AGR3: variants seen among roughly 807,000 people sequenced by gnomAD.
AGR3 encodes the protein anterior gradient protein 3.
A neutral mutation model predicts 24.5 loss-of-function variants in AGR3; 37 were observed. That is an observed-to-expected ratio of 1.51 (90% CI 1.16 to 1.99). The LOEUF is 1.99. Among genes scored for constraint, AGR3 ranks in the 30% most tolerant of loss-of-function variants. AGR3 has a pLI of 0.00. For missense variants in AGR3, 228 were observed against 191.1 expected, an observed-to-expected ratio of 1.19 and a Z score of -1.14; for synonymous variants, 75 against 61.6, an observed-to-expected ratio of 1.22 and a Z score of -1.02.
At chr7:16,872,028 C>G (rs953092857) in intron 3 of AGR3, among the ~76,000 whole-genome samples, 16 of 152,186 alleles carry the variant, frequency 1.1e-4, no homozygotes, top group African/African-American at 3.6e-4. Flanking sequence ...ACCATACCAC[C>G]AAAGGCAATC....
chr7:16,874,578 G>T (rs1781949124), intron 2 of AGR3, among the ~76,000 whole-genome samples: 1 of 152,142 alleles, frequency 6.6e-6, no homozygotes, highest in African/African-American at 2.4e-5. Flanking sequence ...AAGTGTCTCA[G>T]TCTACGAATG....
chr7:16,859,632 C>A lies in AGR3; in HGVS notation c.452-1G>T, dbSNP rs760383278. ...AATGCTTTCTTCATGTTTTCTATCA[C>A]TGAAATAAGAGTTAATATATATTAT... On this transcript the variant is annotated splice_acceptor_variant, in intron 7 of 7. Transcript: ENST00000310398. LOFTEE classifies it high-confidence loss of function. 6.0e-6 allele frequency: 9 copies of A among 1,499,064 alleles called. No individual in the cohort carries two copies. In the South Asian group the frequency reaches 9.4e-5, roughly 16 times the overall value. The allele number at this position is 1,499,064 out of a possible 1,614,324, so 92.9% of individuals were successfully genotyped here.
intron 3 of AGR3, among the ~76,000 whole-genome samples, chr7:16,867,860 C>G (rs546206010): frequency 1.5e-4 from 23 of 152,234 alleles, no homozygotes; most frequent in African/African-American, 5.5e-4. Context: ...CCGATTTTAT[C>G]TTTTTGATAC....
At chr7:16,881,347 C>G (rs1004147908) in intron 1 of AGR3, among the ~76,000 whole-genome samples, 9 of 152,112 alleles carry the variant, frequency 5.9e-5, no homozygotes, top group Non-Finnish European at 1.2e-4. Flanking sequence ...TATTCTGTGA[C>G]AAAGCAGTAC....
chr7:16,874,803 A>G lies in AGR3; in HGVS notation c.110-960T>C, dbSNP rs1440532376. Among the ~76,000 whole-genome samples, 4 of 152,230 alleles carry G rather than the reference A, an allele frequency of 2.6e-5. No homozygotes were observed. The South Asian group carries it at 6.2e-4, about 24-fold the overall frequency. ...TTATTGAAATAAAATTCATACGCCA[A>G]TACAACTCACCTATTGAAAACGTAT... On this transcript the variant is annotated intron_variant, in intron 2 of 7. Transcript: ENST00000310398.
intron 3 of AGR3, among the ~76,000 whole-genome samples, chr7:16,870,202 GT>G (rs1781838131): frequency 6.6e-6 from 1 of 151,766 alleles, no homozygotes; most frequent in Admixed American, 6.6e-5. Flanking sequence ...TATTTAACAA[GT>G]TTTTTTGGAT....
chr7:16,880,174 CTTT>C (rs148378416), intron 1 of AGR3, among the ~76,000 whole-genome samples: 8 of 116,426 alleles, frequency 6.9e-5, no homozygotes, highest in Non-Finnish European at 7.3e-5. Flanking sequence ...TCCTTTCTTT[CTTT>C]TTTTTTTTTT....
chr7:16,866,500 TTC>T (rs1353260159), intron 3 of AGR3, among the ~76,000 whole-genome samples: 2 of 152,164 alleles, frequency 1.3e-5, no homozygotes, highest in Non-Finnish European at 2.9e-5. Flanking sequence ...GAAGTAGAAT[TTC>T]TGAGTCAGAG....
At chr7:16,858,070 C>T (rs1781577744), downstream of AGR3, among the ~76,000 whole-genome samples, 1 of 151,672 alleles carries the variant, frequency 6.6e-6, no homozygotes, top group African/African-American at 2.4e-5. Context: ...TCACTGAAAC[C>T]TCCACCTCCC....
chr7:16,866,816 T>C (rs1161360488), intron 3 of AGR3, among the ~76,000 whole-genome samples: 1 of 152,202 alleles, frequency 6.6e-6, no homozygotes, highest in Non-Finnish European at 1.5e-5. Flanking sequence ...GTACGTTGTA[T>C]ATTAGAGAAA....
chr7:16,859,652 T>C, intron 7 of AGR3, 21 bp from the exon 8 acceptor site: 1 of 1,383,638 alleles, frequency 7.2e-7, no homozygotes, highest in East Asian at 2.5e-5. Flanking sequence ...AGTTAATATA[T>C]ATTATGCTAT....
intron 1 of AGR3, among the ~76,000 whole-genome samples, chr7:16,878,961 G>A (rs141311312): frequency 2.6e-5 from 4 of 152,260 alleles, no homozygotes; most frequent in Non-Finnish European, 4.4e-5. Context: ...CCAACAAGAC[G>A]AAACTCAAAT....
downstream of AGR3, chr7:16,859,349 C>T: frequency 4.6e-6 from 2 of 432,916 alleles, no homozygotes; most frequent in Non-Finnish European, 8.2e-6. Flanking sequence ...CTTGTCTCCA[C>T]TATAACTCTT....
At chr7:16,859,733 G>A (rs527364734) in intron 7 of AGR3, 102 bp from the exon 8 acceptor site, 35 of 693,590 alleles carry the variant, frequency 5.0e-5, no homozygotes, top group Admixed American at 4.5e-4. Flanking sequence ...TAAATTAATA[G>A]CTTTGAACAT....
intron 3 of AGR3, among the ~76,000 whole-genome samples, chr7:16,863,026 C>T (rs988922655): frequency 6.6e-6 from 1 of 152,158 alleles, no homozygotes; most frequent in Non-Finnish European, 1.5e-5. Context: ...GCCGAGATGG[C>T]GCCACTGCAC....
At position 16,860,488 on chromosome 7, in the gene AGR3, G is replaced by C. The variant is rs1288949706; in HGVS notation, c.451+12C>G. 6.3e-7 allele frequency: 1 copy of C among 1,598,304 alleles called. No individual in the cohort carries two copies. The highest frequency in any genetic ancestry group is 8.6e-7 in the Non-Finnish European group (1 of 1,165,856). ...CTATGACCACTGTTTGAGATCATTT[G>C]TGAATACTTACATAGGGGTAAATCC... On this transcript the variant is annotated intron_variant, in intron 7 of 7. Coordinates refer to ENST00000310398, the MANE Select transcript of AGR3 (RefSeq NM_176813.5).
rs560152994 is a variant in AGR3, at chr7:16,860,553, G to A, written c.398C>T (p.Ala133Val). The change falls in exon 7 of 8, where the codon GCT becomes GTT. Residue 133 changes from alanine to valine, a missense_variant. Physicochemically the swap from Ala to Val is moderately conservative, Grantham distance 64 (BLOSUM62 0). Coordinates refer to ENST00000310398, the MANE Select transcript of AGR3 (RefSeq NM_176813.5). ...DPSLTVRADIAGRYSNRLYTY... is the reference protein window; with the variant it reads ...DPSLTVRADIVGRYSNRLYTY... ...GTACAATCTGTTAGAGTATCTTCCA[G>A]CTATGTCAGCTCTAACTGTTAAAGA... The A allele has an allele frequency of 1.9e-6, 3 of 1,613,660 alleles. No individual in the cohort carries two copies. Among genetic ancestry groups the A allele is most frequent in the East Asian group, 2.2e-5 (1 of 44,852 alleles).
chr7:16,855,277 G>T (rs117564295), downstream of AGR3, among the ~76,000 whole-genome samples: 73 of 152,240 alleles, frequency 4.8e-4, 1 homozygote, highest in Non-Finnish European at 8.8e-4. Flanking sequence ...GATACTGAGG[G>T]ATAGGACTTC....
downstream of AGR3, chr7:16,859,327 T>C (rs1238076667): frequency 2.8e-6 from 1 of 363,302 alleles, no homozygotes. Flanking sequence ...AGGCACCTCT[T>C]ATTTAGGTCT....
Sources: gnomAD v4.1 joint callset for allele counts (sites outside exome capture counted in the v4.1 genomes callset) on GRCh38, gnomAD v4.1.1 for gene constraint, MANE v1.5 for transcripts, NCBI Gene and HGNC (gene_info 2026-07-23, HGNC 2026-07-21) for gene names.